The following POTED variants were observed in gnomAD, a reference collection of about 807,000 sequenced individuals.
POTED encodes the protein ANKRD26-like family B member 3.
Under a neutral mutation model 19.0 loss-of-function variants are expected in POTED, and 7 were observed. The ratio of observed to expected loss-of-function variants is 0.37; its 90% CI spans 0.21 to 0.69. POTED has a LOEUF of 0.69. Among genes scored for constraint, POTED ranks in the 30% least tolerant of loss-of-function variants. POTED has a pLI of 0.56. For synonymous variants in POTED, 16 were observed against 92.0 expected (o/e 0.17, Z 4.73); for missense variants, 54 against 278.5 (o/e 0.19, Z 5.74).
In POTED at chr21:13,630,848, A is replaced by G. The variant is rs1407779972; in HGVS notation, c.1243-93A>G. ...TGTGAGATTTTTAATGACTAAAATA[A>G]TGGCAAACTGAATCAATTGATAAAA... On this transcript the variant is annotated intron_variant, in intron 8 of 10. Transcript: ENST00000299443. 3 of 144,270 alleles carry G rather than the reference A, an allele frequency of 2.1e-5. 1 individual carries two copies. The highest frequency in any genetic ancestry group is 3.2e-5 in the Non-Finnish European group (3 of 92,870). 8.9% of individuals were successfully genotyped at this position (144,270 alleles called of 1,614,324 possible). A position where few individuals can be genotyped will look rare whatever the true frequency, so the allele number is the denominator to read the frequency against.
Position 13,645,404 on chromosome 21 carries a change from CTG to C in POTED, c.*3840_*3841del, listed in dbSNP as rs982068009. 1.3e-4 allele frequency among the ~76,000 whole-genome samples: 17 copies of C among 131,132 alleles called. 3 individuals carry two copies. Among genetic ancestry groups the C allele is most frequent in the Admixed American group, 4.4e-4 (6 of 13,614 alleles). The allele number at this position is 131,132 out of a possible 152,430, so 86.0% of individuals were successfully genotyped here. ...GATTTAGCAGACCTCTCAACTGAAACTGTACAAGCCAGAAAAGACATTCAACA... is the reference window on the plus strand; with the variant it reads ...GATTTAGCAGACCTCTCAACTGAAACTACAAGCCAGAAAAGACATTCAACA... On this transcript the variant is annotated 3_prime_UTR_variant, in exon 11 of 11. Transcript: ENST00000299443.
Position 13,642,524 on chromosome 21 carries a change from T to G in POTED, c.*958T>G, listed in dbSNP as rs1312264954. Among the ~76,000 whole-genome samples, 1 of 79,418 alleles carries G rather than the reference T, an allele frequency of 1.3e-5. No homozygotes were observed. Among genetic ancestry groups the G allele is most frequent in the Non-Finnish European group, 2.2e-5 (1 of 44,852 alleles). 52.1% of individuals were successfully genotyped at this position (79,418 alleles called of 152,430 possible). ...CAGAGTGTCTGAGGAGACCAGGGGC[T>G]GAAGTGAACCCCCCGCACAGCATAG... is the stretch of plus-strand genomic sequence containing the variant. On this transcript the variant is annotated 3_prime_UTR_variant, in exon 11 of 11. Coordinates refer to ENST00000299443, the MANE Select transcript of POTED (RefSeq NM_174981.6).
At chr21:13,640,407 T>C (rs2011262621) in intron 10 of POTED, among the ~76,000 whole-genome samples, 1 of 81,952 alleles carries the variant, frequency 1.2e-5, no homozygotes, top group Non-Finnish European at 2.2e-5. Flanking sequence ...TATTTTGAAA[T>C]AAAAGGTTTC....
chr21:13,634,244 A>G (rs901955247), intron 9 of POTED, among the ~76,000 whole-genome samples: 1 of 81,596 alleles, frequency 1.2e-5, no homozygotes, highest in Non-Finnish European at 2.2e-5. Flanking sequence ...CCTGAAGAAT[A>G]TGTCCAGAAG....
At chr21:13,626,310 C>T (rs2011185596) in intron 6 of POTED, among the ~76,000 whole-genome samples, 2 of 70,430 alleles carry the variant, frequency 2.8e-5, no homozygotes, top group Non-Finnish European at 4.8e-5. Context: ...TACACTATAA[C>T]TTTATAAAGC....
chr21:13,623,803 A>C (rs1274466601), intron 6 of POTED, among the ~76,000 whole-genome samples: 2 of 29,718 alleles, frequency 6.7e-5, no homozygotes, highest in Non-Finnish European at 1.1e-4. Flanking sequence ...GGTTGTGGAC[A>C]CCTAATACAT....
rs2011237643 is a variant in POTED at position 13,636,859 on chromosome 21, C to T, written c.1410-2656C>T. Among the ~76,000 whole-genome samples, 2 of 64,216 alleles carry T rather than the reference C, an allele frequency of 3.1e-5. 1 individual carries two copies. The highest frequency in any genetic ancestry group is 2.9e-4 in the Admixed American group (2 of 6,986). The allele number at this position is 64,216 out of a possible 152,430, so 42.1% of individuals were successfully genotyped here. A position where few individuals can be genotyped will look rare whatever the true frequency, so the allele number is the denominator to read the frequency against. ...TCTTTCCCTTTCACTTCTCTCTCTCCTGCCACCTTTTGAAGAAGTTGCCTG... is the reference window on the plus strand; with the variant it reads ...TCTTTCCCTTTCACTTCTCTCTCTCTTGCCACCTTTTGAAGAAGTTGCCTG... On this transcript the variant is annotated intron_variant, in intron 9 of 10. Coordinates refer to ENST00000299443, the MANE Select transcript of POTED (RefSeq NM_174981.6).
At position 13,637,003 on chromosome 21, in the gene POTED, TA is replaced by T. The variant is rs1176386293; in HGVS notation, c.1410-2511del. Among the ~76,000 whole-genome samples, 4 of 16,732 alleles carry T rather than the reference TA, an allele frequency of 2.4e-4. 1 individual carries two copies. Among genetic ancestry groups the T allele is most frequent in the Non-Finnish European group, 4.0e-4 (4 of 10,068 alleles). The allele number at this position is 16,732 out of a possible 152,430, so 11.0% of individuals were successfully genotyped here. ...TTACCCAGTCTCAGGTATATATATA[TA>T]TTTTTTTTTTTTTTTCTTTATTCCA... is the stretch of plus-strand genomic sequence containing the variant. On this transcript the variant is annotated intron_variant, in intron 9 of 10. Coordinates refer to ENST00000299443, the MANE Select transcript of POTED (RefSeq NM_174981.6).
intron 9 of POTED, among the ~76,000 whole-genome samples, chr21:13,637,324 G>T (rs2011242265): frequency 1.4e-5 from 1 of 69,882 alleles, no homozygotes; most frequent in Admixed American, 1.3e-4. Flanking sequence ...CATTCTGGCT[G>T]AAGTGAGGTG....
rs2011235516 is a variant in POTED, at chr21:13,636,508, C to T, written c.1410-3007C>T. ...AAAAGTAATTACAGTTTGCTGCTGG[C>T]AAATTCAGCTTTTTATATTTTTACT... is the stretch of plus-strand genomic sequence containing the variant. On this transcript the variant is annotated intron_variant, in intron 9 of 10. Transcript: ENST00000299443. Among the ~76,000 whole-genome samples, 2 of 81,742 alleles carry T rather than the reference C, an allele frequency of 2.4e-5. 1 individual carries two copies. Among genetic ancestry groups the T allele is most frequent in the Non-Finnish European group, 4.3e-5 (2 of 46,312 alleles). The allele number at this position is 81,742 out of a possible 152,430, so 53.6% of individuals were successfully genotyped here.
rs1460608950 is a variant in POTED, at chr21:13,626,186, A to G, written c.1127-2196A>G. 3.2e-5 allele frequency among the ~76,000 whole-genome samples: 2 copies of G among 63,388 alleles called. 1 individual carries two copies. Among genetic ancestry groups the G allele is most frequent in the Non-Finnish European group, 5.2e-5 (2 of 38,164 alleles). The allele number at this position is 63,388 out of a possible 152,430, so 41.6% of individuals were successfully genotyped here. On this transcript the variant is annotated intron_variant, in intron 6 of 10. Coordinates refer to ENST00000299443, the MANE Select transcript of POTED (RefSeq NM_174981.6). ...AGTACTAGGATTATACTTAGAATTT[A>G]TGGACTCGGTAGGAAGACTAGATAG... is the stretch of plus-strand genomic sequence containing the variant.
At position 13,636,992 on chromosome 21, in the gene POTED, G is replaced by GTATATATATATA. The variant is rs1367233527; in HGVS notation, c.1410-2521_1410-2510dup. ...TCCTTTATGAATTACCCAGTCTCAG[G>GTATATATATATA]TATATATATATATTTTTTTTTTTTT... On this transcript the variant is annotated intron_variant, in intron 9 of 10. Coordinates refer to ENST00000299443, the MANE Select transcript of POTED (RefSeq NM_174981.6). Among the ~76,000 whole-genome samples the GTATATATATATA allele has an allele frequency of 6.1e-4, 8 of 13,084 alleles. 2 individuals are homozygous for GTATATATATATA. Among genetic ancestry groups the GTATATATATATA allele is most frequent in the African/African-American group, 2.2e-3 (2 of 898 alleles). 8.6% of individuals were successfully genotyped at this position (13,084 alleles called of 152,430 possible).
Position 13,645,327 on chromosome 21 carries a change from T to C in POTED, c.*3761T>C, listed in dbSNP as rs2011305875. Among the ~76,000 whole-genome samples, 1 of 132,326 alleles carries C rather than the reference T, an allele frequency of 7.6e-6. No homozygotes were observed. The highest frequency in any genetic ancestry group is 1.6e-5 in the Non-Finnish European group (1 of 61,404). 86.8% of individuals were successfully genotyped at this position (132,326 alleles called of 152,430 possible). A position where few individuals can be genotyped will look rare whatever the true frequency, so the allele number is the denominator to read the frequency against. Reference sequence around the variant, plus strand: ...TGAGGTCAAAATAAAAGAAAAAATGTTAAAGGCAGCTAGGGAGAAAGGCAA... The same window carrying C: ...TGAGGTCAAAATAAAAGAAAAAATGCTAAAGGCAGCTAGGGAGAAAGGCAA... On this transcript the variant is annotated 3_prime_UTR_variant, in exon 11 of 11. Coordinates refer to ENST00000299443, the MANE Select transcript of POTED (RefSeq NM_174981.6).
At chr21:13,626,982 A>G (rs1296115678) in intron 6 of POTED, among the ~76,000 whole-genome samples, 1 of 1,226 alleles carries the variant, frequency 8.2e-4, no homozygotes, top group Non-Finnish European at 1.6e-3. Flanking sequence ...TGTCCTCTGC[A>G]GTCTTGGAGT....
rs747980241 is a variant in POTED, at chr21:13,610,655, C to A, written c.427C>A (p.Leu143Ile). The change falls in exon 1 of 11, where the codon CTC (leucine) becomes ATC (isoleucine). Residue 143 changes from leucine to isoleucine, a missense_variant. Physicochemically the swap from Leu to Ile is conservative, Grantham distance 5. Coordinates refer to ENST00000299443, the MANE Select transcript of POTED (RefSeq NM_174981.6). ...YHIRREDLDK[L>I]HRAAWWGKVP... ...CATCCGTCGAGAAGATCTGGACAAGCTCCACAGAGCTGCCTGGTGGGGTAA... is the reference window on the plus strand; with the variant it reads ...CATCCGTCGAGAAGATCTGGACAAGATCCACAGAGCTGCCTGGTGGGGTAA... The A allele has an allele frequency of 1.5e-5, 16 of 1,076,678 alleles. 6 individuals carry two copies. In the South Asian group the frequency reaches 2.5e-4, roughly 17 times the overall value. 66.7% of individuals were successfully genotyped at this position (1,076,678 alleles called of 1,614,324 possible).
rs1413170820 is a variant in POTED at position 13,640,532 on chromosome 21, G to T, written c.1534-813G>T. 1.8e-4 allele frequency among the ~76,000 whole-genome samples: 15 copies of T among 82,270 alleles called. 6 individuals are homozygous for T. The highest frequency in any genetic ancestry group is 3.3e-4 in the Non-Finnish European group (15 of 45,776). 54.0% of individuals were successfully genotyped at this position (82,270 alleles called of 152,430 possible). A position where few individuals can be genotyped will look rare whatever the true frequency, so the allele number is the denominator to read the frequency against. On this transcript the variant is annotated intron_variant, in intron 10 of 10. Coordinates refer to ENST00000299443, the MANE Select transcript of POTED (RefSeq NM_174981.6). The stretch of plus-strand genomic sequence containing the variant: ...GCACGTTGCATATATACGTGTGTGT[G>T]TGTGTGTGTGTGTGTGTGTTTGTGT...
rs1373408393 is a variant in POTED at position 13,643,466 on chromosome 21, AAAG to A, written c.*1904_*1906del. ...TCGTAAAAAAGGGGACTTGCTTAAA[AAAG>A]AAGTCTGGCCACGTTTGTGTAGAGC... On this transcript the variant is annotated 3_prime_UTR_variant, in exon 11 of 11. Transcript: ENST00000299443. 3.0e-5 allele frequency among the ~76,000 whole-genome samples: 2 copies of A among 67,226 alleles called. 1 individual carries two copies. Among genetic ancestry groups the A allele is most frequent in the Non-Finnish European group, 5.1e-5 (2 of 39,474 alleles). The allele number at this position is 67,226 out of a possible 152,430, so 44.1% of individuals were successfully genotyped here. A position where few individuals can be genotyped will look rare whatever the true frequency, so the allele number is the denominator to read the frequency against.
intron 10 of POTED, among the ~76,000 whole-genome samples, chr21:13,640,523 CGTGT>C (rs563854848): frequency 0.011 from 816 of 75,398 alleles, 273 homozygotes; most frequent in Middle Eastern, 0.06. Flanking sequence ...TGCATATATA[CGTGT>C]GTGTGTGTGT....
intron 9 of POTED, among the ~76,000 whole-genome samples, chr21:13,637,132 T>C (rs1304449373): frequency 1.4e-5 from 1 of 71,058 alleles, no homozygotes; most frequent in Non-Finnish European, 2.4e-5. Context: ...TATGATTTCT[T>C]TTATTTTGGG....
Sources: gnomAD v4.1 joint callset for allele counts (sites outside exome capture counted in the v4.1 genomes callset) on GRCh38, gnomAD v4.1.1 for gene constraint, MANE v1.5 for transcripts, NCBI Gene and HGNC (gene_info 2026-07-23, HGNC 2026-07-21) for gene names.